TVP23A: variants seen among roughly 807,000 people sequenced by gnomAD.
The protein encoded by TVP23A is trans-golgi network vesicle protein 23 homolog A.
In TVP23A, 21 loss-of-function variants were observed where a neutral mutation model predicts 31.7. The observed-to-expected ratio is 0.66, with a 90% CI of 0.47 to 0.95. TVP23A has a LOEUF of 0.95. Ranked by LOEUF, TVP23A falls within the 40% of genes least tolerant of loss-of-function variation. The pLI, the probability that TVP23A is intolerant of heterozygous loss-of-function variation, is 0.00. For missense variants in TVP23A, 279 were observed against 255.6 expected, an observed-to-expected ratio of 1.09 and a Z score of -0.62; for synonymous variants, 104 against 96.0, an observed-to-expected ratio of 1.08 and a Z score of -0.49.
chr16:10,777,602 G>A lies in TVP23A; in HGVS notation c.90-2506C>T, dbSNP rs536496619. ...GCAGACTTCACAGTGACTTTTTTGCGTAGCAAAGCACCAACTATTCACCAG... is the reference window on the plus strand; with the variant it reads ...GCAGACTTCACAGTGACTTTTTTGCATAGCAAAGCACCAACTATTCACCAG... On this transcript the variant is annotated intron_variant, in intron 2 of 7. Transcript: ENST00000299866. The surrounding 1 kb of genome is among the most constrained non-coding windows in gnomAD (Gnocchi z 4.5). Among the ~76,000 whole-genome samples, 186 of 151,998 alleles carry A rather than the reference G, an allele frequency of 1.2e-3. 1 individual carries two copies. The highest frequency in any genetic ancestry group is 4.1e-3 in the African/African-American group (172 of 41,448).
At position 10,773,483 on chromosome 16, in the gene TVP23A, T is replaced by C. The variant is rs370075538; in HGVS notation, c.325-42A>G. ...ATTCAAATGTCAAAACAAGTGGAAA[T>C]GGTTGCAAACGAGCGTGCTCACATT... is the stretch of plus-strand genomic sequence containing the variant. On this transcript the variant is annotated intron_variant, in intron 4 of 7. Coordinates refer to ENST00000299866, the MANE Select transcript of TVP23A (RefSeq NM_001079512.4). 1.2e-4 allele frequency: 193 copies of C among 1,553,206 alleles called. 2 individuals are homozygous for C. The African/African-American group carries it at 2.4e-3, about 20-fold the overall frequency.
At chr16:10,810,022 A>G (rs999958184) in intron 2 of TVP23A, among the ~76,000 whole-genome samples, 1 of 152,230 alleles carries the variant, frequency 6.6e-6, no homozygotes, top group African/African-American at 2.4e-5. Context: ...AGAATGTGGT[A>G]TGTCCACACA....
chr16:10,792,803 C>T (rs1300305701), intron 2 of TVP23A, among the ~76,000 whole-genome samples: 2 of 152,198 alleles, frequency 1.3e-5, no homozygotes, highest in African/African-American at 2.4e-5. Flanking sequence ...CTCTTACTGC[C>T]CCAACATCTG....
chr16:10,816,925 T>TCACACACACACACA (rs58142989), intron 2 of TVP23A, among the ~76,000 whole-genome samples: 1 of 145,800 alleles, frequency 6.9e-6, no homozygotes, highest in African/African-American at 2.5e-5. Flanking sequence ...CAGGGAAACT[T>TCACACACACACACA]CACACACACA....
At chr16:10,800,342 CA>C (rs2033637772) in intron 2 of TVP23A, 3 of 152,180 alleles carry the variant, frequency 2.0e-5, no homozygotes, top group Admixed American at 2.0e-4. Flanking sequence ...TCCTCATCTG[CA>C]AAATGGAGAA....
At chr16:10,788,350 C>T (rs1446288982) in intron 2 of TVP23A, among the ~76,000 whole-genome samples, 1 of 151,882 alleles carries the variant, frequency 6.6e-6, no homozygotes, top group African/African-American at 2.4e-5. Context: ...TCTCAGCTCA[C>T]TACAACCTCC....
chr16:10,771,915 T>A (rs2031654423), intron 5 of TVP23A, 117 bp from the exon 6 acceptor site: 19 of 1,328,264 alleles, frequency 1.4e-5, no homozygotes, highest in Non-Finnish European at 1.8e-5. Flanking sequence ...GCCTCCCGGG[T>A]TCACACCATT....
downstream of TVP23A, chr16:10,761,155 C>A: frequency 2.2e-6 from 1 of 463,864 alleles, no homozygotes; most frequent in Non-Finnish European, 3.9e-6. Flanking sequence ...CCACCAGGAA[C>A]TGCCTGTTCC....
rs866565194 is a variant in TVP23A, at chr16:10,761,311, A to T, written c.*464T>A. The T allele has an allele frequency of 2.8e-5, 43 of 1,544,766 alleles. No individual in the cohort carries two copies. The Middle Eastern group carries it at 4.7e-3, about 169-fold the overall frequency. ...CAGCCATCCCCTCGGTTGCACAGAC[A>T]TTCCCTTTCTCGCACTTTGATGCTG... On this transcript the variant is annotated 3_prime_UTR_variant and NMD_transcript_variant, in exon 9 of 9. Transcript: ENST00000456096.
At chr16:10,781,850 CTTTTTTTTTTTTTT>C (rs144933462) in intron 2 of TVP23A, among the ~76,000 whole-genome samples, 3 of 90,936 alleles carry the variant, frequency 3.3e-5, no homozygotes, top group Non-Finnish European at 5.7e-5. Flanking sequence ...CTAACACAAT[CTTTTTTTTTTTTTT>C]TTTTTTTTTT....
intron 5 of TVP23A, 108 bp downstream of exon 5, chr16:10,773,205 T>C (rs963716454): frequency 3.6e-6 from 5 of 1,381,356 alleles, no homozygotes; most frequent in East Asian, 2.4e-5. Context: ...AATAAACTTG[T>C]TATAATTGAT....
At chr16:10,787,087 T>C (rs995482330) in intron 2 of TVP23A, among the ~76,000 whole-genome samples, 7 of 152,110 alleles carry the variant, frequency 4.6e-5, no homozygotes, top group Non-Finnish European at 1.0e-4. Flanking sequence ...GAAGTACAAA[T>C]GCCCAACCCT....
downstream of TVP23A, chr16:10,757,980 C>G: frequency 6.2e-7 from 1 of 1,614,140 alleles, no homozygotes; most frequent in Non-Finnish European, 8.5e-7. The surrounding 1 kb of genome is among the most constrained non-coding windows in gnomAD (Gnocchi z 4.1). Context: ...CGTCCGGTAC[C>G]TGGCCACAGC....
downstream of TVP23A, among the ~76,000 whole-genome samples, chr16:10,765,882 T>C (rs921835423): frequency 6.6e-6 from 1 of 152,122 alleles, no homozygotes. This position sits in a 1 kb window ranked among gnomAD's most constrained non-coding sequence, Gnocchi z 4.0. Flanking sequence ...TTGCAGAAGC[T>C]CACCTTGAGG....
At chr16:10,814,994 C>G (rs2034372738) in intron 2 of TVP23A, among the ~76,000 whole-genome samples, 1 of 152,196 alleles carries the variant, frequency 6.6e-6, no homozygotes, top group Non-Finnish European at 1.5e-5. Context: ...TCTACCCTTC[C>G]CAGCCTAACC....
At chr16:10,772,260 G>A (rs2031680515) in intron 5 of TVP23A, among the ~76,000 whole-genome samples, 1 of 152,220 alleles carries the variant, frequency 6.6e-6, no homozygotes, top group South Asian at 2.1e-4. Context: ...GACGAAAGCT[G>A]CCCAAGGTCA....
chr16:10,796,239 C>G (rs2033380501), intron 2 of TVP23A, among the ~76,000 whole-genome samples: 1 of 151,750 alleles, frequency 6.6e-6, no homozygotes, highest in Admixed American at 6.6e-5. Flanking sequence ...ACTTGGGAGG[C>G]TGAGGTGAGA....
downstream of TVP23A, among the ~76,000 whole-genome samples, chr16:10,764,520 T>C (rs1184396233): frequency 1.3e-5 from 2 of 151,008 alleles, no homozygotes; most frequent in African/African-American, 4.9e-5. Flanking sequence ...TATTTGTCTA[T>C]TGGAGCATCT....
chr16:10,788,882 C>T (rs1954637115), intron 2 of TVP23A, among the ~76,000 whole-genome samples: 1 of 152,206 alleles, frequency 6.6e-6, no homozygotes, highest in African/African-American at 2.4e-5. Context: ...TCCTTGAACA[C>T]AGTGTTTGCA....
Sources: allele counts gnomAD v4.1 joint callset (sites outside exome capture counted in the v4.1 genomes callset), GRCh38; gene constraint gnomAD v4.1.1; non-coding constraint Gnocchi (gnomAD v3.1); transcripts MANE v1.5; gene names NCBI Gene and HGNC (gene_info 2026-07-23, HGNC 2026-07-21).